GALNT11: variants seen among roughly 807,000 people sequenced by gnomAD.
GALNT11 encodes UDP-GalNAc:polypeptide N-acetylgalactosaminyltransferase 11.
A neutral mutation model predicts 72.7 loss-of-function variants in GALNT11; 47 were observed. The observed-to-expected ratio is 0.65, with a 90% CI of 0.51 to 0.82. The LOEUF is 0.82. Among genes scored for constraint, GALNT11 ranks in the 40% least tolerant of loss-of-function variants. The pLI, the probability that GALNT11 is intolerant of heterozygous loss-of-function variation, is 0.00. For synonymous variants in GALNT11, 270 were observed against 286.6 expected (o/e 0.94, Z 0.58); for missense variants, 677 against 778.4 (o/e 0.87, Z 1.55).
intron 1 of GALNT11, among the ~76,000 whole-genome samples, chr7:152,067,807 T>C (rs1267607647): frequency 6.6e-6 from 1 of 152,106 alleles, no homozygotes; most frequent in Non-Finnish European, 1.5e-5. Flanking sequence ...GAAAAGAGGT[T>C]TAATTGGCTC....
At chr7:152,027,881 G>A (rs1177696408) in intron 1 of GALNT11, among the ~76,000 whole-genome samples, 6 of 152,106 alleles carry the variant, frequency 3.9e-5, no homozygotes, top group Admixed American at 6.6e-5. Context: ...AAGGTGGCAC[G>A]TCTGGAGTTG....
chr7:152,084,436 C>G (rs938991257), intron 1 of GALNT11, among the ~76,000 whole-genome samples: 1 of 136,956 alleles, frequency 7.3e-6, no homozygotes, highest in African/African-American at 2.7e-5. Flanking sequence ...TTTGTTAGAA[C>G]TATACAAAAT....
chr7:152,093,058 A>G lies in GALNT11; in HGVS notation c.-38-1132A>G, dbSNP rs552863637. ...AGCCTGGCCAACATGGTGAAACCCCATCTCTACTAAAAATACAAAAACTAG... is the reference window on the plus strand; with the variant it reads ...AGCCTGGCCAACATGGTGAAACCCCGTCTCTACTAAAAATACAAAAACTAG... On this transcript the variant is annotated intron_variant, in intron 1 of 11. Coordinates refer to ENST00000430044, the MANE Select transcript of GALNT11 (RefSeq NM_022087.4). 3.4e-3 allele frequency among the ~76,000 whole-genome samples: 521 copies of G among 152,170 alleles called. 2 individuals are homozygous for G. The highest frequency in any genetic ancestry group is 5.5e-3 in the Non-Finnish European group (377 of 67,978).
chr7:152,030,239 A>G (rs1235036860), intron 1 of GALNT11, among the ~76,000 whole-genome samples: 1 of 152,072 alleles, frequency 6.6e-6, no homozygotes, highest in East Asian at 1.9e-4. Context: ...TTTCCTTGAC[A>G]CTGATGCTAC....
chr7:152,059,512 G>C (rs569852912), intron 1 of GALNT11, among the ~76,000 whole-genome samples: 1 of 152,074 alleles, frequency 6.6e-6, no homozygotes, highest in Non-Finnish European at 1.5e-5. Context: ...ATAGTCTTAC[G>C]CAATTTATTT....
At chr7:152,112,556 AAAAG>A (rs1209161049) in intron 7 of GALNT11, among the ~76,000 whole-genome samples, 1 of 152,084 alleles carries the variant, frequency 6.6e-6, no homozygotes, top group Non-Finnish European at 1.5e-5. Context: ...AAAAAAAAGA[AAAAG>A]CAGGTTTTCA....
intron 1 of GALNT11, among the ~76,000 whole-genome samples, chr7:152,063,999 A>T (rs67052619): frequency 0.051 from 7,723 of 152,222 alleles, 340 homozygotes; most frequent in East Asian, 0.2. Context: ...GCTGAGTTCA[A>T]TTCCTAGATA....
chr7:152,109,749 GGAT>G (rs1421998901), intron 6 of GALNT11, among the ~76,000 whole-genome samples: 2 of 152,180 alleles, frequency 1.3e-5, no homozygotes, highest in South Asian at 4.1e-4. Context: ...TTCATACCTG[GGAT>G]GATGTTTTTT....
At chr7:152,097,461 C>T (rs2086463509) in intron 2 of GALNT11, among the ~76,000 whole-genome samples, 1 of 152,152 alleles carries the variant, frequency 6.6e-6, no homozygotes, top group Non-Finnish European at 1.5e-5. Context: ...ATAAATTAAA[C>T]GTAGAATTAT....
intron 1 of GALNT11, among the ~76,000 whole-genome samples, chr7:152,037,809 C>T (rs2082653599): frequency 6.6e-6 from 1 of 151,836 alleles, no homozygotes; most frequent in Non-Finnish European, 1.5e-5. Context: ...TGCTTTGTCA[C>T]CCAGGTTGGA....
rs141376673 is a variant in GALNT11, at chr7:152,066,771, C to G, written c.-38-27419C>G. On this transcript the variant is annotated intron_variant, in intron 1 of 11. Coordinates refer to ENST00000430044, the MANE Select transcript of GALNT11 (RefSeq NM_022087.4). ...GGCTGGTTTGGTTGAGCAGTGAGAA[C>G]ACACACATTTATTGAGTAAGTTCCC... Among the ~76,000 whole-genome samples, 210 of 152,286 alleles carry G rather than the reference C, an allele frequency of 1.4e-3. 3 individuals are homozygous for G. Among genetic ancestry groups the G allele is most frequent in the Middle Eastern group, 3.4e-3 (1 of 294 alleles).
chr7:152,054,536 C>T, intron 1 of GALNT11, among the ~76,000 whole-genome samples: 2 of 119,172 alleles, frequency 1.7e-5, no homozygotes, highest in Admixed American at 1.1e-4. Context: ...GAGGCAGGGT[C>T]TCATGCTGTT....
chr7:152,070,078 G>T (rs2129008817), intron 1 of GALNT11, among the ~76,000 whole-genome samples: 1 of 149,238 alleles, frequency 6.7e-6, no homozygotes, highest in Non-Finnish European at 1.5e-5. Context: ...CTCACTGCAA[G>T]CTCCGCCTCC....
In GALNT11 at chr7:152,105,270, A is replaced by G; in HGVS notation, c.612A>G (p.Glu204=). The change falls in exon 5 of 12, where the codon GAA becomes GAG. Residue 204 remains glutamate, a synonymous_variant. Coordinates refer to ENST00000430044, the MANE Select transcript of GALNT11 (RefSeq NM_022087.4). ...DFDDLKGELD[E]YVQKYLPGKI... Reference sequence around the variant, plus strand: ...ATGATTTGAAAGGAGAACTAGATGAATATGTCCAAAAATACCTCCCTGGAA... The same window carrying G: ...ATGATTTGAAAGGAGAACTAGATGAGTATGTCCAAAAATACCTCCCTGGAA... 1.9e-6 allele frequency: 3 copies of G among 1,614,000 alleles called. No homozygotes were observed. Among genetic ancestry groups the G allele is most frequent in the Non-Finnish European group, 2.5e-6 (3 of 1,179,960 alleles).
At chr7:152,047,709 T>TGTGTGTGTGTGTGTGC (rs528749652) in intron 1 of GALNT11, among the ~76,000 whole-genome samples, 135 of 151,306 alleles carry the variant, frequency 8.9e-4, no homozygotes, top group African/African-American at 3.1e-3. Context: ...TGTGTGTGTG[T>TGTGTGTGTGTGTGTGC]GCGCACACAC....
chr7:152,097,730 TG>T (rs1439287052), intron 2 of GALNT11, among the ~76,000 whole-genome samples: 1 of 152,170 alleles, frequency 6.6e-6, no homozygotes, highest in Non-Finnish European at 1.5e-5. Flanking sequence ...ACATTATGCT[TG>T]TGAAAGAAGC....
chr7:152,101,055 A>G (rs1213768751), intron 3 of GALNT11, 134 bp downstream of exon 3: 2 of 1,200,942 alleles, frequency 1.7e-6, no homozygotes, highest in Admixed American at 4.6e-5. Context: ...AACTTGAGAC[A>G]GATTTCCACT....
intron 9 of GALNT11, 126 bp from the exon 10 acceptor site, chr7:152,118,551 TA>T (rs1282964752): frequency 1.4e-6 from 1 of 733,982 alleles, no homozygotes; most frequent in Non-Finnish European, 2.2e-6. Flanking sequence ...AAAATGCATA[TA>T]TTTTTATGAG....
chr7:152,104,794 T>C (rs1306912445), intron 4 of GALNT11: 3 of 152,330 alleles, frequency 2.0e-5, no homozygotes, highest in African/African-American at 7.2e-5. Flanking sequence ...ATGCTGTTCT[T>C]GTTATTCTTG....
Sources: allele counts gnomAD v4.1 joint callset (sites outside exome capture counted in the v4.1 genomes callset), GRCh38; gene constraint gnomAD v4.1.1; transcripts MANE v1.5; gene names NCBI Gene and HGNC (gene_info 2026-07-23, HGNC 2026-07-21).